Variants in ITGB6 observed in about 807,000 individuals in gnomAD.
The protein encoded by ITGB6 is integrin beta-6.
Under a neutral mutation model 84.5 loss-of-function variants are expected in ITGB6, and 80 were observed. The ratio of observed to expected loss-of-function variants is 0.95; its 90% CI spans 0.79 to 1.14. ITGB6 has a LOEUF of 1.14. Among genes scored for constraint, ITGB6 ranks in the 50% most tolerant of loss-of-function variants. ITGB6 has a pLI of 0.00. For missense variants in ITGB6, 1,006 were observed against 968.0 expected (o/e 1.04, Z -0.52); for synonymous variants, 383 against 354.9 (o/e 1.08, Z -0.89).
chr2:160,116,315 T>C (rs7371403), intron 12 of ITGB6, among the ~76,000 whole-genome samples: 98,304 of 148,092 alleles, frequency 0.66, 33,068 homozygotes, highest in Admixed American at 0.73. Flanking sequence ...GCTGATCTCT[T>C]GGCAGAAACT....
intron 7 of ITGB6, among the ~76,000 whole-genome samples, chr2:160,164,355 G>T (rs184840484): frequency 6.6e-6 from 1 of 152,264 alleles, no homozygotes; most frequent in African/African-American, 2.4e-5. Context: ...CCTGTGCGTT[G>T]TAAATCTGTA....
At chr2:160,111,782 G>A (rs564960005) in intron 13 of ITGB6, among the ~76,000 whole-genome samples, 2 of 152,050 alleles carry the variant, frequency 1.3e-5, no homozygotes, top group African/African-American at 4.8e-5. Flanking sequence ...GTTTCACCAT[G>A]TTGGCCAGGG....
chr2:160,180,747 A>T (rs1685631968), intron 4 of ITGB6, among the ~76,000 whole-genome samples: 1 of 152,324 alleles, frequency 6.6e-6, no homozygotes, highest in South Asian at 2.1e-4. Context: ...AGTGAGATCA[A>T]CGCAGAAGGC....
chr2:160,117,804 T>A (rs889286919), intron 12 of ITGB6, among the ~76,000 whole-genome samples: 6 of 151,908 alleles, frequency 3.9e-5, no homozygotes, highest in Admixed American at 3.9e-4. Flanking sequence ...AAGAATCAGA[T>A]AGATGCAATA....
intron 4 of ITGB6, among the ~76,000 whole-genome samples, chr2:160,184,550 A>T (rs1171674639): frequency 2.0e-5 from 3 of 152,230 alleles, no homozygotes; most frequent in Non-Finnish European, 4.4e-5. Flanking sequence ...TACCAGAAGT[A>T]CAAAGAGGAG....
chr2:160,188,699 G>A (rs566553705), intron 4 of ITGB6, among the ~76,000 whole-genome samples: 51 of 152,038 alleles, frequency 3.4e-4, no homozygotes, highest in African/African-American at 1.2e-3. Flanking sequence ...CGCCTCCCTG[G>A]TTTAAGTGAT....
chr2:160,160,505 T>C (rs1337153791), intron 7 of ITGB6, among the ~76,000 whole-genome samples: 7 of 152,232 alleles, frequency 4.6e-5, no homozygotes. Context: ...TTCTGAAGAT[T>C]CAATAATGCC....
intron 14 of ITGB6, 62 bp from the exon 15 acceptor site, chr2:160,101,896 A>T: frequency 1.1e-6 from 1 of 881,124 alleles, no homozygotes; most frequent in Non-Finnish European, 1.9e-6. Context: ...CTGTTTTAAT[A>T]CGTAGTGCAA....
chr2:160,115,127 C>A (rs1682708676), intron 12 of ITGB6, among the ~76,000 whole-genome samples: 1 of 152,240 alleles, frequency 6.6e-6, no homozygotes, highest in Non-Finnish European at 1.5e-5. Context: ...ATGTCCCTGT[C>A]TGACAGCTTT....
chr2:160,123,903 C>T lies in ITGB6; in HGVS notation c.1884-15G>A, dbSNP rs1184462848. On this transcript the variant is annotated splice_polypyrimidine_tract_variant and intron_variant, in intron 11 of 14. Transcript: ENST00000283249. Reference sequence around the variant, plus strand: ...CAATGCAGCTCCTGTGGACAGTATCCAACAGTGTATCAGTTCATGCTGGTG... The same window carrying T: ...CAATGCAGCTCCTGTGGACAGTATCTAACAGTGTATCAGTTCATGCTGGTG... 3 of 1,591,398 alleles carry T rather than the reference C, an allele frequency of 1.9e-6. No homozygotes were observed. The highest frequency in any genetic ancestry group is 2.6e-6 in the Non-Finnish European group (3 of 1,161,340).
intron 8 of ITGB6, among the ~76,000 whole-genome samples, chr2:160,141,269 A>AGG (rs148573461): frequency 2.6e-5 from 4 of 151,794 alleles, no homozygotes; most frequent in African/African-American, 7.3e-5. Flanking sequence ...GCAAAAAAAA[A>AGG]GGGGGGGTGA....
rs546800447 is a variant in ITGB6 at position 160,143,864 on chromosome 2, G to T, written c.1018-1793C>A. ...ATGTTAGAACACAGAATGCATGCAG[G>T]GTGCCCCGGGCACTTGCTAGAAGTG... On this transcript the variant is annotated intron_variant, in intron 7 of 14. Coordinates refer to ENST00000283249, the MANE Select transcript of ITGB6 (RefSeq NM_000888.5). 1.4e-4 allele frequency among the ~76,000 whole-genome samples: 22 copies of T among 152,226 alleles called. No individual in the cohort carries two copies. The South Asian group carries it at 4.6e-3, about 32-fold the overall frequency.
chr2:160,148,045 G>A (rs1333124555), intron 7 of ITGB6, among the ~76,000 whole-genome samples: 1 of 152,070 alleles, frequency 6.6e-6, no homozygotes, highest in Non-Finnish European at 1.5e-5. Context: ...TGGACTGGAA[G>A]AAAATATTTG....
chr2:160,180,113 C>CAAAAAAAA (rs34572460), intron 4 of ITGB6, among the ~76,000 whole-genome samples: 1 of 82,098 alleles, frequency 1.2e-5, no homozygotes, highest in African/African-American at 4.7e-5. Context: ...AACTCCACCT[C>CAAAAAAAA]AAAAAAAAAA....
intron 12 of ITGB6, among the ~76,000 whole-genome samples, chr2:160,112,418 C>T (rs914536111): frequency 8.6e-5 from 13 of 151,852 alleles, no homozygotes; most frequent in Admixed American, 7.2e-4. Flanking sequence ...CAGGACTGAC[C>T]ATCAAATGTG....
At position 160,141,964 on chromosome 2, in the gene ITGB6, A is replaced by G. The variant is rs1400689519; in HGVS notation, c.1107+18T>C. ...ACCAAAGAAATGCAAAAAAGAAGCC[A>G]GCTGTAAAATATCCTACTTCATAAG... On this transcript the variant is annotated intron_variant, in intron 8 of 14. Transcript: ENST00000283249. 3 of 1,514,742 alleles carry G rather than the reference A, an allele frequency of 2.0e-6. No homozygotes were observed. The highest frequency in any genetic ancestry group is 2.7e-6 in the Non-Finnish European group (3 of 1,097,460). The allele number at this position is 1,514,742 out of a possible 1,614,324, so 93.8% of individuals were successfully genotyped here. A position where few individuals can be genotyped will look rare whatever the true frequency, so the allele number is the denominator to read the frequency against.
In ITGB6 at chr2:160,171,883, A is replaced by G. The variant is rs1370804740; in HGVS notation, c.921+686T>C. Among the ~76,000 whole-genome samples the G allele has an allele frequency of 2.6e-5, 4 of 152,174 alleles. No individual in the cohort carries two copies. The East Asian group carries it at 7.7e-4, about 29-fold the overall frequency. ...GCAGTAATGACTGAACTGGCTTTTCAAGGATAATGAAGAGTTTCTCAGCAG... is the reference window on the plus strand; with the variant it reads ...GCAGTAATGACTGAACTGGCTTTTCGAGGATAATGAAGAGTTTCTCAGCAG... On this transcript the variant is annotated intron_variant, in intron 6 of 14. Transcript: ENST00000283249.
intron 4 of ITGB6, among the ~76,000 whole-genome samples, chr2:160,193,114 G>A (rs1686203876): frequency 6.6e-6 from 1 of 152,128 alleles, no homozygotes; most frequent in Non-Finnish European, 1.5e-5. Flanking sequence ...ATACAGTTCA[G>A]CAACTCCAGT....
chr2:160,104,569 T>C lies in ITGB6; in HGVS notation c.2269-2735A>G, dbSNP rs186816656. Among the ~76,000 whole-genome samples the C allele has an allele frequency of 1.3e-4, 20 of 152,234 alleles. No individual in the cohort carries two copies. The East Asian group carries it at 3.7e-3, about 28-fold the overall frequency. On this transcript the variant is annotated intron_variant, in intron 14 of 14. Transcript: ENST00000283249. Reference sequence around the variant, plus strand: ...GACACATTTTTCAAGATTGAAAAAGTGGTAATAGGAAAACTCTGTCATGAC... The same window carrying C: ...GACACATTTTTCAAGATTGAAAAAGCGGTAATAGGAAAACTCTGTCATGAC...
Sources: gnomAD v4.1 joint callset for allele counts (sites outside exome capture counted in the v4.1 genomes callset) on GRCh38, gnomAD v4.1.1 for gene constraint, MANE v1.5 for transcripts, NCBI Gene and HGNC (gene_info 2026-07-23, HGNC 2026-07-21) for gene names.